FNDC3B: variants seen among roughly 807,000 people sequenced by gnomAD.
FNDC3B encodes fibronectin type III domain-containing protein 3B.
A neutral mutation model predicts 151.5 loss-of-function variants in FNDC3B; 12 were observed. That is an observed-to-expected ratio of 0.08 (90% confidence interval 0.05 to 0.13). The LOEUF (loss-of-function observed/expected upper bound fraction) is 0.13, where lower values mean the gene tolerates loss of function less well. Among genes scored for constraint, FNDC3B ranks in the 10% least tolerant of loss-of-function variants. The pLI is 1.00. For missense variants in FNDC3B, 1,214 were observed against 1,505.3 expected (o/e 0.81, Z 3.20); for synonymous variants, 528 against 549.0 (o/e 0.96, Z 0.54).
At chr3:172,049,597 G>A (rs992712793) in intron 1 of FNDC3B, among the ~76,000 whole-genome samples, 1 of 151,912 alleles carries the variant, frequency 6.6e-6, no homozygotes, top group African/African-American at 2.4e-5. Context: ...GCGCGATCTC[G>A]GCTCACCCTG....
intron 3 of FNDC3B, among the ~76,000 whole-genome samples, chr3:172,177,859 G>C (rs1049609040): frequency 6.6e-6 from 1 of 151,408 alleles, no homozygotes; most frequent in African/African-American, 2.4e-5. Flanking sequence ...CCTCACCCCT[G>C]TCCCTGACAG....
chr3:172,389,844 C>T (rs765194073), intron 25 of FNDC3B, among the ~76,000 whole-genome samples: 5 of 152,038 alleles, frequency 3.3e-5, no homozygotes, highest in Non-Finnish European at 5.9e-5. Flanking sequence ...CCAGCCTGGG[C>T]GAGAGCGAGA....
chr3:172,270,523 A>G lies in FNDC3B; in HGVS notation c.791-15403A>G, dbSNP rs113948950. 9.9e-3 allele frequency among the ~76,000 whole-genome samples: 1,508 copies of G among 152,290 alleles called. 32 individuals are homozygous for G. The highest frequency in any genetic ancestry group is 0.034 in the African/African-American group (1,404 of 41,554). ...CTTGGAAAGTTCTTTTATACTTTGTATAGTAGAATCCTCCCAATCCTTCCT... is the reference window on the plus strand; with the variant it reads ...CTTGGAAAGTTCTTTTATACTTTGTGTAGTAGAATCCTCCCAATCCTTCCT... On this transcript the variant is annotated intron_variant, in intron 6 of 25. Coordinates refer to ENST00000415807, the MANE Select transcript of FNDC3B (RefSeq NM_022763.4).
chr3:172,105,670 C>T (rs1026456925), intron 1 of FNDC3B, among the ~76,000 whole-genome samples: 30 of 151,084 alleles, frequency 2.0e-4, no homozygotes, highest in African/African-American at 7.1e-4. Context: ...CCACACGGGC[C>T]TCGAACTTCG....
intron 6 of FNDC3B, among the ~76,000 whole-genome samples, chr3:172,271,705 G>A (rs75154264): frequency 0.018 from 2,693 of 152,246 alleles, 34 homozygotes; most frequent in Middle Eastern, 0.068. Flanking sequence ...TTAGGTAAAC[G>A]TCAAGTCTGC....
chr3:172,124,153 C>T (rs1016056746), intron 2 of FNDC3B, among the ~76,000 whole-genome samples: 1 of 152,060 alleles, frequency 6.6e-6, no homozygotes, highest in Non-Finnish European at 1.5e-5. Flanking sequence ...TGCAATGGCG[C>T]GATCTCAGCT....
rs568646397 is a variant in FNDC3B, at chr3:172,247,630, A to G, written c.362A>G (p.His121Arg). 7 of 1,613,972 alleles carry G rather than the reference A, an allele frequency of 4.3e-6. No homozygotes were observed. In the South Asian group the frequency reaches 6.6e-5, roughly 15 times the overall value. Reference protein sequence around the residue: ...PSYPSAMSPTHHLPPYLTHHP... With the variant: ...PSYPSAMSPTRHLPPYLTHHP... ...TACCCCTCAGCCATGTCTCCAACCC[A>G]TCATCTCCCTCCCTATCTGACTCAC... Residue 121 changes from histidine to arginine, a missense_variant, in exon 5 of 26, where the codon CAT (histidine) becomes CGT (arginine). By Grantham distance (29) the His-to-Arg change is conservative (BLOSUM62 0). This residue lies in a region of FNDC3B where 113 missense variants were observed against 177.8 expected (regional missense o/e 0.64). Coordinates refer to ENST00000415807, the MANE Select transcript of FNDC3B (RefSeq NM_022763.4).
chr3:172,337,152 C>T (rs536204886), intron 15 of FNDC3B, among the ~76,000 whole-genome samples, 178 bp from the exon 16 acceptor site: 1 of 150,384 alleles, frequency 6.6e-6, no homozygotes, highest in Non-Finnish European at 1.5e-5. Flanking sequence ...TCAGAGATTC[C>T]TGGTTTGTTT....
At chr3:172,271,867 A>C (rs1313323832) in intron 6 of FNDC3B, among the ~76,000 whole-genome samples, 1 of 152,246 alleles carries the variant, frequency 6.6e-6, no homozygotes, top group African/African-American at 2.4e-5. Context: ...ATTTGGAACA[A>C]GGATAGACAC....
intron 3 of FNDC3B, among the ~76,000 whole-genome samples, chr3:172,187,740 C>T (rs949888048): frequency 1.3e-5 from 2 of 152,034 alleles, no homozygotes; most frequent in African/African-American, 2.4e-5. Context: ...GGTGTTCCTC[C>T]CATCTCATTG....
chr3:172,194,080 C>T (rs556805631), intron 3 of FNDC3B, among the ~76,000 whole-genome samples: 2 of 151,992 alleles, frequency 1.3e-5, no homozygotes, highest in African/African-American at 4.8e-5. Context: ...ATTAGCTGGG[C>T]GAGGTGGCGG....
chr3:172,097,988 A>C (rs1719174636), intron 1 of FNDC3B, among the ~76,000 whole-genome samples: 1 of 152,148 alleles, frequency 6.6e-6, no homozygotes, highest in African/African-American at 2.4e-5. Context: ...AATTTGAGAA[A>C]TAATCCTTTG....
chr3:172,341,022 A>C, intron 16 of FNDC3B, 91 bp from the exon 17 acceptor site: 2 of 845,922 alleles, frequency 2.4e-6, no homozygotes, highest in South Asian at 1.4e-5. Flanking sequence ...GTTGGTTTTC[A>C]TGAAAACATA....
intron 2 of FNDC3B, among the ~76,000 whole-genome samples, chr3:172,128,320 G>A (rs1486880726): frequency 6.6e-6 from 1 of 152,126 alleles, no homozygotes; most frequent in Non-Finnish European, 1.5e-5. Flanking sequence ...TTAATCCTGG[G>A]ACATTTTCTT....
chr3:172,380,269 G>A (rs894843997), intron 24 of FNDC3B, among the ~76,000 whole-genome samples: 1 of 152,012 alleles, frequency 6.6e-6, no homozygotes, highest in African/African-American at 2.4e-5. Context: ...TAGAAGTTAT[G>A]AAAATATTTT....
intron 25 of FNDC3B, among the ~76,000 whole-genome samples, chr3:172,386,667 G>A (rs1378961247): frequency 3.3e-5 from 5 of 151,120 alleles, no homozygotes; most frequent in South Asian, 2.1e-4. Flanking sequence ...GCATGAACCT[G>A]GAAGCAGAGC....
At chr3:172,386,839 A>G (rs541814964) in intron 25 of FNDC3B, among the ~76,000 whole-genome samples, 10 of 152,090 alleles carry the variant, frequency 6.6e-5, no homozygotes, top group African/African-American at 2.4e-4. Context: ...CTGTATCAAT[A>G]TATTTTTATC....
intron 1 of FNDC3B, among the ~76,000 whole-genome samples, chr3:172,111,853 C>T (rs989294376): frequency 5.3e-5 from 8 of 152,162 alleles, no homozygotes; most frequent in Middle Eastern, 3.4e-3. Context: ...AATTTAACTG[C>T]GAGCTATATG....
rs921469973 is a variant in FNDC3B, at chr3:172,352,330, C to G, written c.2515-473C>G. ...TTATTCATGTGGAAGATAGAAGATG[C>G]CTTTTCCTATTGCTATTCCAGGACA... On this transcript the variant is annotated intron_variant, in intron 21 of 25. Transcript: ENST00000415807. The surrounding 1 kb of genome is among the most constrained non-coding windows in gnomAD (Gnocchi z 4.2). Among the ~76,000 whole-genome samples, 2 of 152,130 alleles carry G rather than the reference C, an allele frequency of 1.3e-5. No individual in the cohort carries two copies. The highest frequency in any genetic ancestry group is 6.5e-5 in the Admixed American group (1 of 15,278).
Sources: gnomAD v4.1 joint callset for allele counts (sites outside exome capture counted in the v4.1 genomes callset) on GRCh38, gnomAD v4.1.1 for gene constraint, gnomAD v4.1.1 regional missense constraint, Gnocchi (gnomAD v3.1) non-coding constraint, MANE v1.5 for transcripts, NCBI Gene and HGNC (gene_info 2026-07-23, HGNC 2026-07-21) for gene names.